Variants in CHCHD6 observed in about 807,000 individuals in gnomAD.
CHCHD6 encodes the protein coiled-coil-helix-coiled-coil-helix domain containing 6, also known as MICOS complex subunit MIC25.
CHCHD6 carries 28 observed loss-of-function variants against 32.3 expected under a neutral mutation model. The ratio of observed to expected loss-of-function variants is 0.87; its 90% confidence interval spans 0.64 to 1.19. The LOEUF is 1.19. Ranked by LOEUF, CHCHD6 falls within the 50% of genes most tolerant of loss-of-function variation. The probability of loss-of-function intolerance (pLI) is 0.00; values close to 1 mark genes in which losing one functional copy is unlikely to be tolerated. For missense variants in CHCHD6, 333 were observed against 307.0 expected, an observed-to-expected ratio of 1.08 and a Z score of -0.63; for synonymous variants, 122 against 117.5, an observed-to-expected ratio of 1.04 and a Z score of -0.25.
At chr3:126,921,613 TTAGAA>T (rs2078248814) in intron 6 of CHCHD6, among the ~76,000 whole-genome samples, 2 of 152,076 alleles carry the variant, frequency 1.3e-5, no homozygotes, top group African/African-American at 4.8e-5. Flanking sequence ...CTCAAAGAGG[TTAGAA>T]CAATTGAGTT....
At chr3:126,863,509 A>ACCT (rs1942053694) in intron 5 of CHCHD6, among the ~76,000 whole-genome samples, 4 of 82,484 alleles carry the variant, frequency 4.8e-5, no homozygotes, top group Admixed American at 1.2e-4. Context: ...TACTATCACC[A>ACCT]CCTCCTCCTC....
chr3:126,955,062 G>A lies in CHCHD6; in HGVS notation c.567-2354G>A, dbSNP rs192547123. ...TGTCAGAACACTCAGAACCAAAGCT[G>A]TATGTGCAGTCCCTGAGAACACCTG... On this transcript the variant is annotated intron_variant, in intron 6 of 7. Coordinates refer to ENST00000290913, the MANE Select transcript of CHCHD6 (RefSeq NM_032343.3). Among the ~76,000 whole-genome samples, 146 of 152,370 alleles carry A rather than the reference G, an allele frequency of 9.6e-4. 1 individual carries two copies. Among genetic ancestry groups the A allele is most frequent in the African/African-American group, 3.3e-3 (136 of 41,590 alleles).
At chr3:126,873,128 T>C (rs2077498165) in intron 5 of CHCHD6, among the ~76,000 whole-genome samples, 1 of 152,190 alleles carries the variant, frequency 6.6e-6, no homozygotes, top group Non-Finnish European at 1.5e-5. Context: ...TCAAACATCC[T>C]GGTTTGCAAA....
intron 1 of CHCHD6, among the ~76,000 whole-genome samples, chr3:126,721,385 G>T (rs1935284098): frequency 6.6e-6 from 1 of 152,142 alleles, no homozygotes; most frequent in Non-Finnish European, 1.5e-5. Context: ...TCTGCCTTCT[G>T]CAGACATCGC....
At chr3:126,902,622 C>T (rs1042898714) in intron 5 of CHCHD6, among the ~76,000 whole-genome samples, 1 of 150,382 alleles carries the variant, frequency 6.6e-6, no homozygotes, top group Non-Finnish European at 1.5e-5. Context: ...GAGGCTGAGG[C>T]AGCAGAATGG....
chr3:126,941,555 C>CT (rs1411115681), intron 6 of CHCHD6, among the ~76,000 whole-genome samples: 5 of 152,098 alleles, frequency 3.3e-5, no homozygotes, highest in Non-Finnish European at 7.4e-5. Flanking sequence ...TAGATAGACT[C>CT]TTTTTTTGGG....
intron 6 of CHCHD6, chr3:126,949,668 G>A (rs903442865): frequency 5.1e-5 from 11 of 215,474 alleles, no homozygotes; most frequent in Non-Finnish European, 7.5e-5. Flanking sequence ...GCGGACTGCC[G>A]CCGTGGACGG....
chr3:126,796,909 G>A (rs575764395), intron 4 of CHCHD6, among the ~76,000 whole-genome samples: 1 of 152,328 alleles, frequency 6.6e-6, no homozygotes, highest in East Asian at 1.9e-4. Context: ...GGAAGCCTTG[G>A]GTACAGGGCC....
Position 126,945,267 on chromosome 3 carries a change from G to A in CHCHD6, c.567-12149G>A, listed in dbSNP as rs368168970. On this transcript the variant is annotated intron_variant, in intron 6 of 7. Transcript: ENST00000290913. ...TCTGGGAGCTCTGACCTTCAGGATT[G>A]CTGAGGCCAAAGCACAGAGCTGGAA... Among the ~76,000 whole-genome samples, 4 of 152,016 alleles carry A rather than the reference G, an allele frequency of 2.6e-5. No homozygotes were observed. In the East Asian group the frequency reaches 5.9e-4, roughly 22 times the overall value.
intron 5 of CHCHD6, among the ~76,000 whole-genome samples, chr3:126,913,934 C>G (rs1349206493): frequency 6.6e-6 from 1 of 152,230 alleles, no homozygotes; most frequent in African/African-American, 2.4e-5. Flanking sequence ...TTAGACCCAG[C>G]TGTGTTTTGC....
chr3:126,953,240 A>C (rs2078740747), intron 6 of CHCHD6: 1 of 576,460 alleles, frequency 1.7e-6, no homozygotes, highest in Non-Finnish European at 2.2e-6. Flanking sequence ...TCCCAGCCTC[A>C]GACATCTGCC....
chr3:126,859,076 C>T (rs973194311), intron 5 of CHCHD6, among the ~76,000 whole-genome samples: 2 of 152,232 alleles, frequency 1.3e-5, no homozygotes, highest in African/African-American at 4.8e-5. Context: ...GGTGATTCAT[C>T]GCCAAGGGCT....
intron 4 of CHCHD6, among the ~76,000 whole-genome samples, chr3:126,826,008 G>T (rs1940378171): frequency 6.6e-6 from 1 of 152,192 alleles, no homozygotes; most frequent in Non-Finnish European, 1.5e-5. Flanking sequence ...CCCACAGGAT[G>T]TCTCCTTTCA....
intron 1 of CHCHD6, among the ~76,000 whole-genome samples, chr3:126,710,097 T>G (rs1934681942): frequency 6.6e-6 from 1 of 152,192 alleles, no homozygotes; most frequent in Non-Finnish European, 1.5e-5. Flanking sequence ...ACAAAATCAA[T>G]TGGTGGGTTA....
intron 4 of CHCHD6, among the ~76,000 whole-genome samples, chr3:126,828,861 G>A (rs932251841): frequency 3.9e-5 from 6 of 152,008 alleles, no homozygotes; most frequent in Admixed American, 2.0e-4. Flanking sequence ...TGATCATTGC[G>A]TTCCCCTTTT....
At chr3:126,762,919 C>T (rs1937217511) in intron 4 of CHCHD6, among the ~76,000 whole-genome samples, 1 of 152,082 alleles carries the variant, frequency 6.6e-6, no homozygotes, top group Admixed American at 6.5e-5. Flanking sequence ...CTTTCAGTTC[C>T]AACCTATGTG....
At chr3:126,872,409 G>A (rs966197423) in intron 5 of CHCHD6, among the ~76,000 whole-genome samples, 4 of 151,960 alleles carry the variant, frequency 2.6e-5, no homozygotes, top group Admixed American at 2.6e-4. Flanking sequence ...TCCTATTTGG[G>A]GCAACTTTGT....
At position 126,812,938 on chromosome 3, in the gene CHCHD6, C is replaced by A. The variant is rs78375386; in HGVS notation, c.412-39709C>A. Among the ~76,000 whole-genome samples the A allele has an allele frequency of 6.2e-3, 942 of 152,170 alleles. 28 individuals are homozygous for A. Among genetic ancestry groups the A allele is most frequent in the Admixed American group, 0.049 (747 of 15,274 alleles). Reference sequence around the variant, plus strand: ...CCAGGAATTCTAGGCTGTCTTGGAACCTACCATGATTATGTGTATATAATT... The same window carrying A: ...CCAGGAATTCTAGGCTGTCTTGGAAACTACCATGATTATGTGTATATAATT... On this transcript the variant is annotated intron_variant, in intron 4 of 7. Transcript: ENST00000290913.
intron 4 of CHCHD6, among the ~76,000 whole-genome samples, chr3:126,802,794 A>G (rs929281318): frequency 6.6e-6 from 1 of 152,240 alleles, no homozygotes; most frequent in Non-Finnish European, 1.5e-5. Flanking sequence ...GAATGAAAAA[A>G]TGTTAAGGTC....
Sources: gnomAD v4.1 joint callset for allele counts (sites outside exome capture counted in the v4.1 genomes callset) on GRCh38, gnomAD v4.1.1 for gene constraint, MANE v1.5 for transcripts, NCBI Gene and HGNC (gene_info 2026-07-23, HGNC 2026-07-21) for gene names.